SYCE1L: variants seen among roughly 807,000 people sequenced by gnomAD.
SYCE1L encodes synaptonemal complex central element protein 1 like.
SYCE1L carries 51 observed loss-of-function variants against 39.6 expected under a neutral mutation model. That is an observed-to-expected ratio of 1.29 (90% confidence interval 1.03 to 1.63). The LOEUF (loss-of-function observed/expected upper bound fraction) is 1.63. SYCE1L is among the 40% of genes most tolerant of loss of function. The pLI, the probability that SYCE1L is intolerant of heterozygous loss-of-function variation, is 0.00. For synonymous variants in SYCE1L, 147 were observed against 122.4 expected (o/e 1.20, Z -1.33); for missense variants, 426 against 304.9 (o/e 1.40, Z -2.96).
chr16:77,201,847 T>C (rs1034732130), intron 1 of SYCE1L: 2 of 152,300 alleles, frequency 1.3e-5, no homozygotes, highest in East Asian at 3.9e-4. Context: ...AGGATTATTA[T>C]TGACACACAA....
intron 1 of SYCE1L, among the ~76,000 whole-genome samples, chr16:77,204,550 T>C (rs111826967): frequency 6.6e-5 from 10 of 152,334 alleles, no homozygotes; most frequent in African/African-American, 2.2e-4. Flanking sequence ...TAGATGATCA[T>C]TGTGGCATGC....
Position 77,212,333 on chromosome 16 carries a change from C to T in SYCE1L, c.545C>T (p.Pro182Leu), listed in dbSNP as rs374627049. 14 of 1,523,014 alleles carry T rather than the reference C, an allele frequency of 9.2e-6. No homozygotes were observed. The highest frequency in any genetic ancestry group is 1.4e-5 in the African/African-American group (1 of 71,360). The allele number at this position is 1,523,014 out of a possible 1,614,324, so 94.3% of individuals were successfully genotyped here. The stretch of plus-strand genomic sequence containing the variant: ...GAGGTGGAGCGGCGGCTGCACTCGC[C>T]GCCTGAGGTCGAGGGCGCCATGGCG... Reference protein sequence around the residue: ...LREVERRLHSPPEVEGAMAVN... With the variant: ...LREVERRLHSLPEVEGAMAVN... The change falls in exon 9 of 11, where the codon CCG (proline) becomes CTG (leucine). Residue 182 changes from proline to leucine, a missense_variant. Physicochemically the swap from Pro to Leu is moderately conservative, Grantham distance 98. Transcript: ENST00000378644.
At chr16:77,206,598 A>T in intron 2 of SYCE1L, 98 bp downstream of exon 2, 4 of 1,168,746 alleles carry the variant, frequency 3.4e-6, no homozygotes, top group Non-Finnish European at 5.0e-6. Flanking sequence ...TCAGGAAATT[A>T]TCCCATTGCA....
intron 1 of SYCE1L, chr16:77,200,746 C>CAAAAAAAAAAAAAA (rs11344903): frequency 8.3e-5 from 7 of 84,812 alleles, no homozygotes; most frequent in African/African-American, 1.8e-4. Context: ...ACAGAGTGAG[C>CAAAAAAAAAAAAAA]AAAAAAAAAA....
chr16:77,201,273 A>G lies in SYCE1L; in HGVS notation c.61+1761A>G, dbSNP rs1160702337. The G allele has an allele frequency of 2.6e-5, 4 of 152,232 alleles. No homozygotes were observed. In the East Asian group the frequency reaches 5.8e-4, roughly 22 times the overall value. 9.4% of individuals were successfully genotyped at this position (152,232 alleles called of 1,614,324 possible). On this transcript the variant is annotated intron_variant, in intron 1 of 10. Coordinates refer to ENST00000378644, the MANE Select transcript of SYCE1L (RefSeq NM_001129979.3). ...ACAGACGGAAATAAGACAGATGCAAATAGATCTCATTTATTAACTGTGTAA... is the reference window on the plus strand; with the variant it reads ...ACAGACGGAAATAAGACAGATGCAAGTAGATCTCATTTATTAACTGTGTAA...
At chr16:77,199,973 A>G (rs115643058) in intron 1 of SYCE1L, 5,056 of 152,062 alleles carry the variant, frequency 0.033, 99 homozygotes, top group Middle Eastern at 0.051. Flanking sequence ...CTTGAATGAC[A>G]GGCAAAGGAG....
At chr16:77,207,242 T>A (rs1450446424) in intron 2 of SYCE1L, among the ~76,000 whole-genome samples, 2 of 151,902 alleles carry the variant, frequency 1.3e-5, no homozygotes, top group Non-Finnish European at 2.9e-5. Context: ...GAAGCTGGAG[T>A]TGGTGACCTT....
rs1401621202 is a variant in SYCE1L, at chr16:77,212,184, C to A, written c.478C>A (p.Gln160Lys). Reference protein sequence around the residue: ...EIRALERSKEQLLSERRLVRA... With the variant: ...EIRALERSKEKLLSERRLVRA... ...CCGTGCCCTGGAGAGAAGCAAGGAG[C>A]AGCTGCTCTCGGAGAGTGAGCCTCC... Residue 160 changes from glutamine (Q) to lysine (K), a missense_variant, in exon 8 of 11, where the codon CAG (glutamine) becomes AAG (lysine). Coordinates refer to ENST00000378644, the MANE Select transcript of SYCE1L (RefSeq NM_001129979.3). The A allele has an allele frequency of 9.7e-6, 15 of 1,548,618 alleles. No homozygotes were observed. Among genetic ancestry groups the A allele is most frequent in the Non-Finnish European group, 1.2e-5 (14 of 1,146,380 alleles).
chr16:77,210,305 G>C (rs1329638488), intron 6 of SYCE1L, among the ~76,000 whole-genome samples: 1 of 152,146 alleles, frequency 6.6e-6, no homozygotes, highest in East Asian at 1.9e-4. Context: ...CTCCCAAAGT[G>C]CTGGGATTAC....
At chr16:77,208,426 A>G (rs918545128) in intron 3 of SYCE1L, 39 bp from the exon 4 acceptor site, 1 of 1,550,932 alleles carries the variant, frequency 6.4e-7, no homozygotes, top group Non-Finnish European at 8.7e-7. Context: ...AAGGCTAGAG[A>G]CTACACTCAT....
In SYCE1L at chr16:77,213,118, A is replaced by G; in HGVS notation, c.*187A>G. 1.9e-6 allele frequency: 1 copy of G among 519,596 alleles called. No homozygotes were observed. Among genetic ancestry groups the G allele is most frequent in the Non-Finnish European group, 3.1e-6 (1 of 319,122 alleles). 32.2% of individuals were successfully genotyped at this position (519,596 alleles called of 1,614,324 possible). On this transcript the variant is annotated 3_prime_UTR_variant, in exon 11 of 11. Coordinates refer to ENST00000378644, the MANE Select transcript of SYCE1L (RefSeq NM_001129979.3). Reference sequence around the variant, plus strand: ...CCACCAGTCGAGCCCCGGGCGCCGTACAGAGGCTGGGTAAATGCTCCTGAA... The same window carrying G: ...CCACCAGTCGAGCCCCGGGCGCCGTGCAGAGGCTGGGTAAATGCTCCTGAA...
At chr16:77,199,612 T>C in intron 1 of SYCE1L, 100 bp downstream of exon 1, 1 of 1,024,400 alleles carries the variant, frequency 9.8e-7, no homozygotes, top group Non-Finnish European at 1.4e-6. Flanking sequence ...TATTCTAATT[T>C]TTTTAAATAA....
chr16:77,212,571 C>A lies in SYCE1L; in HGVS notation c.582-3C>A. On this transcript the variant is annotated splice_region_variant and splice_polypyrimidine_tract_variant and intron_variant, in intron 9 of 10. Transcript: ENST00000378644. ...TCCTGTCTCCTCGGCCCCTTCTCCG[C>A]AGGCTGAAGGCGGAGCTGGAGATAT... 1 of 1,536,624 alleles carries A rather than the reference C, an allele frequency of 6.5e-7. No individual in the cohort carries two copies. The highest frequency in any genetic ancestry group is 1.2e-5 in the South Asian group (1 of 84,054).
chr16:77,202,272 A>G (rs1056760318), intron 1 of SYCE1L: 1 of 152,216 alleles, frequency 6.6e-6, no homozygotes, highest in Non-Finnish European at 1.5e-5. Context: ...AGATGTCTGC[A>G]ACTTATTGTT....
intron 2 of SYCE1L, 101 bp downstream of exon 2, chr16:77,206,601 C>G: frequency 8.8e-7 from 1 of 1,135,394 alleles, no homozygotes; most frequent in South Asian, 1.4e-5. Context: ...GGAAATTATC[C>G]CATTGCACTT....
intron 1 of SYCE1L, 102 bp from the exon 2 acceptor site, chr16:77,206,339 C>A: frequency 1.0e-6 from 1 of 999,490 alleles, no homozygotes; most frequent in South Asian, 1.5e-5. Flanking sequence ...TCCTTAGCCC[C>A]AGCCCACGGG....
In SYCE1L at chr16:77,200,291, T is replaced by TACATATATATATATATATAC. The variant is rs1555502426; in HGVS notation, c.61+782_61+783insTATATATATATATATACACA. 3.6e-5 allele frequency: 4 copies of TACATATATATATATATATAC among 111,438 alleles called. 1 individual carries two copies. Among genetic ancestry groups the TACATATATATATATATATAC allele is most frequent in the East Asian group, 2.2e-4 (1 of 4,574 alleles). 6.9% of individuals were successfully genotyped at this position (111,438 alleles called of 1,614,324 possible). On this transcript the variant is annotated intron_variant, in intron 1 of 10. Transcript: ENST00000378644. ...ATATATGTGTATATATATATATATATACACACACTAATCAGCCGGGCGCGG... is the reference window on the plus strand; with the variant it reads ...ATATATGTGTATATATATATATATATACATATATATATATATATACACACACACTAATCAGCCGGGCGCGG...
rs533525871 is a variant in SYCE1L at position 77,208,550 on chromosome 16, C to A, written c.256+11C>A. ...GGGAATTAGACTCCTGTAAGTGGGG[C>A]CAAAAGAGGGACCCATCAACACTGC... is the stretch of plus-strand genomic sequence containing the variant. On this transcript the variant is annotated intron_variant, in intron 4 of 10. Coordinates refer to ENST00000378644, the MANE Select transcript of SYCE1L (RefSeq NM_001129979.3). 2.3e-5 allele frequency: 35 copies of A among 1,551,506 alleles called. No individual in the cohort carries two copies. The African/African-American group carries it at 4.5e-4, about 20-fold the overall frequency.
At position 77,212,342 on chromosome 16, in the gene SYCE1L, T is replaced by C. The variant is rs1327009450; in HGVS notation, c.554T>C (p.Val185Ala). ...CGGCGGCTGCACTCGCCGCCTGAGG[T>C]CGAGGGCGCCATGGCGGTGAATGAC... ...VERRLHSPPE[V>A]EGAMAVNDGL... Residue 185 changes from valine (V) to alanine (A), a missense_variant, in exon 9 of 11, where the codon GTC (valine) becomes GCC (alanine). Coordinates refer to ENST00000378644, the MANE Select transcript of SYCE1L (RefSeq NM_001129979.3). 1.3e-6 allele frequency: 2 copies of C among 1,524,514 alleles called. No individual in the cohort carries two copies. The highest frequency in any genetic ancestry group is 2.5e-5 in the South Asian group (2 of 81,244). The allele number at this position is 1,524,514 out of a possible 1,614,324, so 94.4% of individuals were successfully genotyped here.
Sources: allele counts gnomAD v4.1 joint callset (sites outside exome capture counted in the v4.1 genomes callset), GRCh38; gene constraint gnomAD v4.1.1; transcripts MANE v1.5; gene names NCBI Gene and HGNC (gene_info 2026-07-23, HGNC 2026-07-21).